TXNRD2: variants seen among roughly 807,000 people sequenced by gnomAD.
TXNRD2 encodes the protein thioredoxin reductase 2.
Under a neutral mutation model 70.8 loss-of-function variants are expected in TXNRD2, and 67 were observed. The observed-to-expected ratio is 0.95, with a 90% confidence interval of 0.78 to 1.16. The LOEUF (loss-of-function observed/expected upper bound fraction) is 1.16, where lower values mean the gene tolerates loss of function less well. Ranked by LOEUF, TXNRD2 falls within the 50% of genes most tolerant of loss-of-function variation. The pLI, the probability that TXNRD2 is intolerant of heterozygous loss-of-function variation, is 0.00. For synonymous variants in TXNRD2, 301 were observed against 295.8 expected (o/e 1.02, Z -0.18); for missense variants, 644 against 719.9 (o/e 0.89, Z 1.21).
intron 1 of TXNRD2, among the ~76,000 whole-genome samples, chr22:19,941,433 T>TA (rs1439220633): frequency 6.6e-6 from 1 of 152,130 alleles, no homozygotes; most frequent in African/African-American, 2.4e-5. Flanking sequence ...GTTACTGGGA[T>TA]ACCAGCTCTG....
chr22:19,903,420 C>T (rs1025920864), intron 8 of TXNRD2, among the ~76,000 whole-genome samples: 1 of 152,222 alleles, frequency 6.6e-6, no homozygotes, highest in African/African-American at 2.4e-5. Flanking sequence ...ATAGAGGGAC[C>T]ACAATTCCCT....
chr22:19,883,379 G>T lies in TXNRD2; in HGVS notation c.1032C>A (p.Asp344Glu), dbSNP rs759106464. ...TSPDTQKILV[D>E]SREATSVPHI... ...GGGGCACAGAGGTGGCTTCCCGGGA[G>T]TCCACCAGGATCTTCTGAGTGTCGG... Residue 344 changes from aspartate (D) to glutamate (E), a missense_variant, in exon 12 of 18, where the codon GAC (aspartate) becomes GAA (glutamate). Coordinates refer to ENST00000400521, the MANE Select transcript of TXNRD2 (RefSeq NM_006440.5). 1.2e-6 allele frequency: 2 copies of T among 1,613,944 alleles called. No homozygotes were observed. The highest frequency in any genetic ancestry group is 1.3e-5 in the African/African-American group (1 of 74,940).
At chr22:19,880,296 AGGGCCCTT>A (rs1285994308) in intron 13 of TXNRD2, 25 bp from the exon 14 acceptor site, 1 of 1,611,266 alleles carries the variant, frequency 6.2e-7, no homozygotes, top group African/African-American at 1.3e-5. Flanking sequence ...GGAGTCAGGG[AGGGCCCTT>A]GGGCCCCGAA....
intron 11 of TXNRD2, among the ~76,000 whole-genome samples, chr22:19,890,183 G>C (rs747432251): frequency 2.6e-5 from 4 of 152,214 alleles, no homozygotes; most frequent in Non-Finnish European, 1.5e-5. Context: ...TGCTGTCTCA[G>C]GAGCAGCAGC....
At chr22:19,881,476 A>T in intron 12 of TXNRD2, 1 of 176,092 alleles carries the variant, frequency 5.7e-6, no homozygotes, top group East Asian at 1.5e-4. Context: ...CCAGCCGCTC[A>T]AGGGACCACT....
chr22:19,892,737 C>T (rs1001390178), intron 11 of TXNRD2, among the ~76,000 whole-genome samples: 6 of 151,920 alleles, frequency 3.9e-5, no homozygotes, highest in Non-Finnish European at 8.8e-5. Context: ...GGCTAGGGCG[C>T]GGTGGGAGGG....
chr22:19,924,507 T>A (rs1473376805), intron 2 of TXNRD2, among the ~76,000 whole-genome samples: 1 of 152,102 alleles, frequency 6.6e-6, no homozygotes, highest in African/African-American at 2.4e-5. Context: ...TTCCCCTCTG[T>A]CCCTTCTCCT....
intron 10 of TXNRD2, 28 bp downstream of exon 10, chr22:19,898,009 AGG>A: frequency 6.5e-7 from 1 of 1,540,298 alleles, no homozygotes; most frequent in Non-Finnish European, 8.8e-7. Context: ...TCAGAGCCAC[AGG>A]GGCGGGAGCT....
At chr22:19,928,782 G>A (rs912151031) in intron 2 of TXNRD2, among the ~76,000 whole-genome samples, 2 of 152,142 alleles carry the variant, frequency 1.3e-5, no homozygotes, top group Non-Finnish European at 2.9e-5. Context: ...CGAGGCAGGC[G>A]GATCCCTTGA....
At chr22:19,900,655 C>T (rs143612829) in intron 8 of TXNRD2, among the ~76,000 whole-genome samples, 238 of 151,450 alleles carry the variant, frequency 1.6e-3, no homozygotes, top group African/African-American at 5.5e-3. Context: ...GAGGCCGAGA[C>T]AGGAGAATGG....
At chr22:19,932,848 A>G (rs980514464) in intron 1 of TXNRD2, among the ~76,000 whole-genome samples, 1 of 152,220 alleles carries the variant, frequency 6.6e-6, no homozygotes, top group African/African-American at 2.4e-5. Context: ...ATCAGAGCCT[A>G]GCGTCTGCCA....
chr22:19,901,099 A>G (rs569475106), intron 8 of TXNRD2, among the ~76,000 whole-genome samples: 2 of 152,310 alleles, frequency 1.3e-5, no homozygotes, highest in South Asian at 2.1e-4. Flanking sequence ...CTAGGGATAC[A>G]GCAACACACC....
At chr22:19,878,589 C>T in intron 14 of TXNRD2, 152 bp from the exon 15 acceptor site, 1 of 783,656 alleles carries the variant, frequency 1.3e-6, no homozygotes, top group Non-Finnish European at 2.2e-6. Context: ...GGGATGAGGG[C>T]TTGGCTGGCC....
At chr22:19,932,537 C>T (rs962253088) in intron 1 of TXNRD2, 1 of 1,523,844 alleles carries the variant, frequency 6.6e-7, no homozygotes, top group Non-Finnish European at 8.8e-7. Context: ...GTACACTGAA[C>T]TGGGCCTGAG....
chr22:19,911,466 C>G lies in TXNRD2; in HGVS notation c.592-19G>C, dbSNP rs767931204. 1 of 1,606,370 alleles carries G rather than the reference C, an allele frequency of 6.2e-7. No individual in the cohort carries two copies. The highest frequency in any genetic ancestry group is 2.2e-5 in the East Asian group (1 of 44,844). On this transcript the variant is annotated intron_variant, in intron 7 of 17. Coordinates refer to ENST00000400521, the MANE Select transcript of TXNRD2 (RefSeq NM_006440.5). ...CTTCGATCTGTCAAGACAGAAATGA[C>G]CCCTTGGACAAGAGCTCCATTTGGC... is the stretch of plus-strand genomic sequence containing the variant.
chr22:19,909,511 A>C (rs1569092730), intron 8 of TXNRD2, among the ~76,000 whole-genome samples: 1 of 147,088 alleles, frequency 6.8e-6, no homozygotes, highest in Non-Finnish European at 1.5e-5. Flanking sequence ...ACACACACAC[A>C]CACCACTCAC....
intron 14 of TXNRD2, among the ~76,000 whole-genome samples, chr22:19,878,657 G>A (rs556006823): frequency 6.6e-6 from 1 of 152,352 alleles, no homozygotes; most frequent in African/African-American, 2.4e-5. Context: ...GCCATGCTCT[G>A]CAGGACAGAC....
chr22:19,933,134 C>A (rs73880017), intron 1 of TXNRD2, among the ~76,000 whole-genome samples: 3,074 of 152,346 alleles, frequency 0.02, 37 homozygotes, highest in African/African-American at 0.037. Flanking sequence ...TTTCACCTGG[C>A]AGCCAGCCTC....
intron 6 of TXNRD2, 48 bp downstream of exon 6, chr22:19,915,717 T>A (rs1300359407): frequency 6.4e-7 from 1 of 1,553,120 alleles, no homozygotes; most frequent in Admixed American, 1.7e-5. Flanking sequence ...GTGCCCAAGG[T>A]CTGCAGAAGG....
Sources: gnomAD v4.1 joint callset for allele counts (sites outside exome capture counted in the v4.1 genomes callset) on GRCh38, gnomAD v4.1.1 for gene constraint, MANE v1.5 for transcripts, NCBI Gene and HGNC (gene_info 2026-07-23, HGNC 2026-07-21) for gene names.